The following H6PD variants were observed in gnomAD, a reference collection of about 807,000 sequenced individuals.
H6PD encodes the protein hexose-6-phosphate dehydrogenase/glucose 1-dehydrogenase.
Under a neutral mutation model 61.2 loss-of-function variants are expected in H6PD, and 48 were observed. The observed-to-expected ratio is 0.78, with a 90% CI of 0.62 to 1.00. The LOEUF (loss-of-function observed/expected upper bound fraction) is 1.00. H6PD is among the 50% of genes least tolerant of loss of function. The pLI, the probability that H6PD is intolerant of heterozygous loss-of-function variation, is 0.00. For missense variants in H6PD, 1,093 were observed against 1,065.0 expected (o/e 1.03, Z -0.37); for synonymous variants, 480 against 457.9 (o/e 1.05, Z -0.62).
At chr1:9,246,308 A>G (rs1037639052) in intron 2 of H6PD, among the ~76,000 whole-genome samples, 1 of 152,214 alleles carries the variant, frequency 6.6e-6, no homozygotes, top group African/African-American at 2.4e-5. Context: ...GGTTGGCAAC[A>G]AGAGCTTAAA....
In H6PD at chr1:9,240,030, C is replaced by A. The variant is rs114813087; in HGVS notation, c.-10-4895C>A. The A allele has an allele frequency of 7.5e-4, 926 of 1,229,192 alleles. 14 individuals are homozygous for A. The African/African-American group carries it at 0.013, about 17-fold the overall frequency. The allele number at this position is 1,229,192 out of a possible 1,614,324, so 76.1% of individuals were successfully genotyped here. A position where few individuals can be genotyped will look rare whatever the true frequency, so the allele number is the denominator to read the frequency against. On this transcript the variant is annotated intron_variant, in intron 1 of 4. Coordinates refer to ENST00000377403, the MANE Select transcript of H6PD (RefSeq NM_004285.4). ...GAGCCTTTTAACTGGTAAGTCTCTC[C>A]CAGGATGACTCGTAGGAGCCTCTCA...
Position 9,246,975 on chromosome 1 carries a change from C to T in H6PD, c.637C>T (p.Gln213Ter). ...DHYLGKQAVAQILPFRDQNRK... is the reference protein window; with the variant it reads ...DHYLGKQAVA ...CTTCCCCCCCCGACAGGCTGTGGCG[C>T]AGATCCTGCCTTTCCGAGACCAGAA... Residue 213 changes from glutamine (Q) to a stop codon, truncating the protein, a stop_gained, in exon 3 of 5, where the codon CAG becomes TAG. Coordinates refer to ENST00000377403, the MANE Select transcript of H6PD (RefSeq NM_004285.4). LOFTEE classifies it high-confidence loss of function. The T allele has an allele frequency of 6.2e-7, 1 of 1,612,356 alleles. No homozygotes were observed. The highest frequency in any genetic ancestry group is 8.5e-7 in the Non-Finnish European group (1 of 1,178,374).
At position 9,264,032 on chromosome 1, in the gene H6PD, T is replaced by G. The variant is rs1557751770; in HGVS notation, c.1539T>G (p.Phe513Leu). Reference protein sequence around the residue: ...GGAENGRLLDFEFSSGRLFFS... With the variant: ...GGAENGRLLDLEFSSGRLFFS... ...CTGAGAATGGCCGTCTGTTGGACTT[T>G]GAGTTCAGTAGCGGCCGGTTGTTCT... is the stretch of plus-strand genomic sequence containing the variant. The change falls in exon 5 of 5, where the codon TTT (phenylalanine) becomes TTG (leucine). Residue 513 changes from phenylalanine to leucine, a missense_variant. Coordinates refer to ENST00000377403, the MANE Select transcript of H6PD (RefSeq NM_004285.4). 2.5e-6 allele frequency: 4 copies of G among 1,614,194 alleles called. No homozygotes were observed. Among genetic ancestry groups the G allele is most frequent in the African/African-American group, 1.3e-5 (1 of 75,050 alleles).
At chr1:9,244,790 T>G in intron 1 of H6PD, 135 bp from the exon 2 acceptor site, 1 of 831,910 alleles carries the variant, frequency 1.2e-6, no homozygotes. Flanking sequence ...AGGGACAAGC[T>G]GTGGGCTTAT....
chr1:9,247,148 A>G lies in H6PD; in HGVS notation c.745+65A>G, dbSNP rs1039875945. 6 of 1,090,382 alleles carry G rather than the reference A, an allele frequency of 5.5e-6. No homozygotes were observed. In the African/African-American group the frequency reaches 9.3e-5, roughly 17 times the overall value. The allele number at this position is 1,090,382 out of a possible 1,614,324, so 67.5% of individuals were successfully genotyped here. A position where few individuals can be genotyped will look rare whatever the true frequency, so the allele number is the denominator to read the frequency against. The stretch of plus-strand genomic sequence containing the variant: ...GCCTGCCCGCTGTCTGCGGTGAGGC[A>G]TGGGGCGCTTCTCAGAGGGAGGTTT... On this transcript the variant is annotated intron_variant, in intron 3 of 4. Transcript: ENST00000377403.
rs553362621 is a variant in H6PD, at chr1:9,264,623, G to C, written c.2130G>C (p.Leu710=). 3 of 1,613,090 alleles carry C rather than the reference G, an allele frequency of 1.9e-6. No homozygotes were observed. In the South Asian group the frequency reaches 3.3e-5, roughly 18 times the overall value. Residue 710 remains leucine, a synonymous_variant, in exon 5 of 5, where the codon CTG becomes CTC. Transcript: ENST00000377403. ...TCTTCCCACAGTCACCCACTGGCCT[G>C]GATGGCGAGCAGCTGGTCGTGCTGA... is the stretch of plus-strand genomic sequence containing the variant. ...ASLFPQSPTG[L]DGEQLVVLTT...
chr1:9,245,746 G>A lies in H6PD; in HGVS notation c.627+185G>A, dbSNP rs1312137927. On this transcript the variant is annotated intron_variant, in intron 2 of 4. Coordinates refer to ENST00000377403, the MANE Select transcript of H6PD (RefSeq NM_004285.4). The surrounding 1 kb of genome is among the most constrained non-coding windows in gnomAD (Gnocchi z 4.8). ...GGAAAGACAGCAGCAGGGCAGGACTGTTGGGTCCTTGTCCATGTGTCTGGC... is the reference window on the plus strand; with the variant it reads ...GGAAAGACAGCAGCAGGGCAGGACTATTGGGTCCTTGTCCATGTGTCTGGC... Among the ~76,000 whole-genome samples, 3 of 152,200 alleles carry A rather than the reference G, an allele frequency of 2.0e-5. No individual in the cohort carries two copies. Among genetic ancestry groups the A allele is most frequent in the Non-Finnish European group, 4.4e-5 (3 of 68,026 alleles).
In H6PD at chr1:9,263,497, C is replaced by T. The variant is rs749195458; in HGVS notation, c.1016-12C>T. 6 of 1,613,386 alleles carry T rather than the reference C, an allele frequency of 3.7e-6. No homozygotes were observed. The highest frequency in any genetic ancestry group is 1.1e-5 in the South Asian group (1 of 91,022). ...TGCCAGAGAGTCACCCTCTGCTGTTCCCTCACCCCAGCCGTCCTAGTGCAC... is the reference window on the plus strand; with the variant it reads ...TGCCAGAGAGTCACCCTCTGCTGTTTCCTCACCCCAGCCGTCCTAGTGCAC... On this transcript the variant is annotated splice_polypyrimidine_tract_variant and intron_variant, in intron 4 of 4. Coordinates refer to ENST00000377403, the MANE Select transcript of H6PD (RefSeq NM_004285.4).
intron 4 of H6PD, 44 bp downstream of exon 4, chr1:9,262,372 G>T: frequency 6.5e-7 from 1 of 1,541,368 alleles, no homozygotes. Context: ...TGCCCACTTC[G>T]CCGGGAGCAG....
rs201375142 is a variant in H6PD, at chr1:9,237,657, G to A, written c.-11+2591G>A. Among the ~76,000 whole-genome samples the A allele has an allele frequency of 1.8e-4, 28 of 152,292 alleles. No individual in the cohort carries two copies. In the East Asian group the frequency reaches 3.9e-3, roughly 21 times the overall value. ...TGGTGTGATGCATGTCACACCGATA[G>A]CCTAGCATTTGGCATATAGTTAAAT... is the stretch of plus-strand genomic sequence containing the variant. On this transcript the variant is annotated intron_variant, in intron 1 of 4. Coordinates refer to ENST00000377403, the MANE Select transcript of H6PD (RefSeq NM_004285.4).
At chr1:9,242,291 A>G (rs933763138) in intron 1 of H6PD, among the ~76,000 whole-genome samples, 1 of 152,136 alleles carries the variant, frequency 6.6e-6, no homozygotes, top group Non-Finnish European at 1.5e-5. Flanking sequence ...AAAGATCCCC[A>G]GGAAATTCAA....
chr1:9,263,633 G>A lies in H6PD; in HGVS notation c.1140G>A (p.Val380=). 6 of 1,614,238 alleles carry A rather than the reference G, an allele frequency of 3.7e-6. No homozygotes were observed. The highest frequency in any genetic ancestry group is 5.1e-6 in the Non-Finnish European group (6 of 1,180,038). ...RILFKNQACC[V]QSEKHWAAAQ... is the part of the protein sequence containing the mutation. ...TGTTCAAGAACCAGGCCTGCTGTGT[G>A]CAGAGCGAAAAGCACTGGGCCGCGG... Residue 380 remains valine, a synonymous_variant, in exon 5 of 5, where the codon GTG becomes GTA. Transcript: ENST00000377403.
intron 3 of H6PD, among the ~76,000 whole-genome samples, chr1:9,248,112 G>A (rs1434971312): frequency 3.3e-5 from 5 of 152,208 alleles, no homozygotes; most frequent in East Asian, 1.9e-4. Flanking sequence ...CCAGCGCTGC[G>A]TCAGTGGCCA....
At chr1:9,263,367 C>CAGGCGAGGGGTGAGCATGGCA (rs1427759424) in intron 4 of H6PD, 142 bp from the exon 5 acceptor site, 17 of 796,122 alleles carry the variant, frequency 2.1e-5, no homozygotes, top group African/African-American at 5.0e-5. Context: ...GAAGAGATGC[C>CAGGCGAGGGGTGAGCATGGCA]AGGCGAGGGG....
intron 3 of H6PD, among the ~76,000 whole-genome samples, chr1:9,261,741 G>A (rs1405909327): frequency 1.3e-5 from 2 of 152,268 alleles, no homozygotes; most frequent in African/African-American, 2.4e-5. Context: ...AGGGCGGGGC[G>A]AGGGGCTGGC....
At chr1:9,248,088 G>A (rs533893065) in intron 3 of H6PD, among the ~76,000 whole-genome samples, 16 of 152,292 alleles carry the variant, frequency 1.1e-4, no homozygotes, top group African/African-American at 3.4e-4. Flanking sequence ...GCCTGGCGCC[G>A]CTGCGCTGTG....
rs148154877 is a variant in H6PD, at chr1:9,265,785, C to T, written c.*916C>T. On this transcript the variant is annotated 3_prime_UTR_variant, in exon 5 of 5. Coordinates refer to ENST00000377403, the MANE Select transcript of H6PD (RefSeq NM_004285.4). ...CTGGGATTACAGGTGTGAGCTACTG[C>T]GCCCAGCCCCAGAAATCTCAGTGCT... 9.2e-3 allele frequency: 1,408 copies of T among 152,390 alleles called. 20 individuals are homozygous for T. The highest frequency in any genetic ancestry group is 0.032 in the African/African-American group (1,336 of 41,550). The allele number at this position is 152,390 out of a possible 1,614,324, so 9.4% of individuals were successfully genotyped here.
intron 1 of H6PD, among the ~76,000 whole-genome samples, chr1:9,240,337 C>T (rs1400506943): frequency 1.3e-5 from 2 of 152,134 alleles, no homozygotes; most frequent in African/African-American, 4.8e-5. Context: ...TATTTTAGTT[C>T]TCTGTTTCCC....
intron 3 of H6PD, among the ~76,000 whole-genome samples, chr1:9,257,503 G>A (rs746543816): frequency 2.0e-5 from 3 of 152,092 alleles, no homozygotes; most frequent in African/African-American, 4.8e-5. Context: ...ACCACATTAC[G>A]TCTTGGAGGT....
Sources: gnomAD v4.1 joint callset for allele counts (sites outside exome capture counted in the v4.1 genomes callset) on GRCh38, gnomAD v4.1.1 for gene constraint, Gnocchi (gnomAD v3.1) non-coding constraint, MANE v1.5 for transcripts, NCBI Gene and HGNC (gene_info 2026-07-23, HGNC 2026-07-21) for gene names.